DCC: variants seen among roughly 807,000 people sequenced by gnomAD.
DCC encodes netrin receptor DCC.
DCC carries 58 observed loss-of-function variants against 172.5 expected under a neutral mutation model. That is an observed-to-expected ratio of 0.34 (90% CI 0.27 to 0.42). The LOEUF (loss-of-function observed/expected upper bound fraction) is 0.42. Ranked by LOEUF, DCC falls within the 10% of genes least tolerant of loss-of-function variation. The pLI, the probability that DCC is intolerant of heterozygous loss-of-function variation, is 1.00. For synonymous variants in DCC, 709 were observed against 644.5 expected (o/e 1.10, Z -1.52); for missense variants, 1,740 against 1,791.0 (o/e 0.97, Z 0.51).
chr18:53,096,981 G>A (rs2043097504), intron 7 of DCC, among the ~76,000 whole-genome samples: 2 of 152,124 alleles, frequency 1.3e-5, no homozygotes, highest in Admixed American at 6.6e-5. Flanking sequence ...TCAAAAGAAA[G>A]AAAGAAGAAA....
At chr18:52,841,492 A>G (rs2038806310) in intron 2 of DCC, among the ~76,000 whole-genome samples, 1 of 152,206 alleles carries the variant, frequency 6.6e-6, no homozygotes, top group African/African-American at 2.4e-5. Context: ...GCTTTTAGAT[A>G]AAACACTGTA....
chr18:52,928,478 TAC>T (rs934225566), intron 5 of DCC, among the ~76,000 whole-genome samples: 2 of 152,174 alleles, frequency 1.3e-5, no homozygotes, highest in African/African-American at 2.4e-5. Context: ...CGTAATATAA[TAC>T]AGTTAATATG....
chr18:53,126,748 C>T (rs1430093403), intron 7 of DCC, among the ~76,000 whole-genome samples: 1 of 152,104 alleles, frequency 6.6e-6, no homozygotes, highest in Non-Finnish European at 1.5e-5. Flanking sequence ...TCCAGATGCT[C>T]AGGTCAAATA....
intron 1 of DCC, among the ~76,000 whole-genome samples, chr18:52,691,834 G>A (rs2035934226): frequency 6.6e-6 from 1 of 152,074 alleles, no homozygotes; most frequent in South Asian, 2.1e-4. Context: ...CCTATCCTGG[G>A]TAGACCCATT....
intron 21 of DCC, among the ~76,000 whole-genome samples, chr18:53,422,857 A>G (rs1341511958): frequency 1.3e-5 from 2 of 152,142 alleles, no homozygotes; most frequent in African/African-American, 2.4e-5. Flanking sequence ...ATTATTGTGC[A>G]TAGTTTCAAC....
intron 1 of DCC, among the ~76,000 whole-genome samples, chr18:52,380,991 T>A (rs1985561607): frequency 6.6e-6 from 1 of 152,126 alleles, no homozygotes; most frequent in African/African-American, 2.4e-5. Context: ...CTCAGATCAA[T>A]TATTTAAAAA....
chr18:53,104,810 A>G (rs1166694052), intron 7 of DCC, among the ~76,000 whole-genome samples: 1 of 151,952 alleles, frequency 6.6e-6, no homozygotes, highest in Non-Finnish European at 1.5e-5. Flanking sequence ...AAGTCATCAT[A>G]CTACTTGGGT....
At chr18:53,012,640 TAC>T (rs1568244025) in intron 5 of DCC, among the ~76,000 whole-genome samples, 1 of 152,076 alleles carries the variant, frequency 6.6e-6, no homozygotes. Flanking sequence ...AATCATGTGA[TAC>T]AGTTAAGATT....
At chr18:53,230,269 T>C (rs529925612) in intron 12 of DCC, among the ~76,000 whole-genome samples, 7 of 152,242 alleles carry the variant, frequency 4.6e-5, no homozygotes, top group African/African-American at 1.7e-4. Flanking sequence ...AACACTAACA[T>C]ATAATTTGAT....
rs3086373 is a variant in DCC, at chr18:52,469,030, GATTTATTTATTTATTTATTTATTT to G, written c.91+128174_91+128197del. Among the ~76,000 whole-genome samples, 4 of 145,770 alleles carry G rather than the reference GATTTATTTATTTATTTATTTATTT, an allele frequency of 2.7e-5. No homozygotes were observed. In the East Asian group the frequency reaches 6.0e-4, roughly 22 times the overall value. On this transcript the variant is annotated intron_variant, in intron 1 of 28. Coordinates refer to ENST00000442544, the MANE Select transcript of DCC (RefSeq NM_005215.4). Reference sequence around the variant, plus strand: ...TTACTCATCAGTGGAAAACAATTTTGATTTATTTATTTATTTATTTATTTATTTATTTATTTATTTATTTAGAGA... The same window carrying G: ...TTACTCATCAGTGGAAAACAATTTTGATTTATTTATTTATTTATTTAGAGA...
intron 2 of DCC, among the ~76,000 whole-genome samples, chr18:52,895,162 G>A (rs1348214556): frequency 6.6e-6 from 1 of 152,224 alleles, no homozygotes; most frequent in Middle Eastern, 3.2e-3. Context: ...TTCTGCTTTT[G>A]AAGGATTTGC....
chr18:52,465,329 T>A (rs945931564), intron 1 of DCC, among the ~76,000 whole-genome samples: 16 of 152,186 alleles, frequency 1.1e-4, no homozygotes, highest in African/African-American at 3.9e-4. Flanking sequence ...TAAGTGACTC[T>A]CAGCCAAAGA....
intron 5 of DCC, among the ~76,000 whole-genome samples, chr18:53,011,564 A>G (rs919040731): frequency 6.6e-6 from 1 of 151,908 alleles, no homozygotes; most frequent in Non-Finnish European, 1.5e-5. Context: ...TGATAATAAA[A>G]TAAATGAATG....
intron 23 of DCC, among the ~76,000 whole-genome samples, chr18:53,453,704 TCTA>T (rs1291480430): frequency 6.6e-6 from 1 of 152,234 alleles, no homozygotes. Context: ...AGTTCTGGGT[TCTA>T]CTGCTTCTAT....
chr18:52,821,415 T>C (rs2038405264), intron 2 of DCC, among the ~76,000 whole-genome samples: 1 of 152,232 alleles, frequency 6.6e-6, no homozygotes, highest in Non-Finnish European at 1.5e-5. Flanking sequence ...TAAAAATATA[T>C]GCTGGCAGTA....
At chr18:53,089,449 G>T (rs1022524820) in intron 7 of DCC, among the ~76,000 whole-genome samples, 1 of 151,852 alleles carries the variant, frequency 6.6e-6, no homozygotes, top group Admixed American at 6.6e-5. Flanking sequence ...CTGCCTCATT[G>T]TCTATGGAAA....
At chr18:53,215,645 A>C (rs750294654) in intron 12 of DCC, 48 bp downstream of exon 12, 1 of 1,470,550 alleles carries the variant, frequency 6.8e-7, no homozygotes, top group Non-Finnish European at 9.5e-7. Flanking sequence ...AAGATTACCT[A>C]TCATGTATAA....
intron 1 of DCC, among the ~76,000 whole-genome samples, chr18:52,710,772 G>A (rs758967457): frequency 6.6e-6 from 1 of 152,226 alleles, no homozygotes; most frequent in Non-Finnish European, 1.5e-5. Flanking sequence ...GATGGCTCAG[G>A]TTAATAGAGT....
chr18:52,879,398 C>T (rs1471644433), intron 2 of DCC, among the ~76,000 whole-genome samples: 1 of 103,848 alleles, frequency 9.6e-6, no homozygotes, highest in Admixed American at 1.0e-4. Flanking sequence ...ATTTCTAGCC[C>T]ATATGTTGTT....
Sources: gnomAD v4.1 joint callset for allele counts (sites outside exome capture counted in the v4.1 genomes callset) on GRCh38, gnomAD v4.1.1 for gene constraint, MANE v1.5 for transcripts, NCBI Gene and HGNC (gene_info 2026-07-23, HGNC 2026-07-21) for gene names.